The following DMXL2 variants were observed in gnomAD, a reference collection of about 807,000 sequenced individuals.
DMXL2 encodes Dmx like 2, also known as dmX-like protein 2.
Under a neutral mutation model 331.1 loss-of-function variants are expected in DMXL2, and 103 were observed. The ratio of observed to expected loss-of-function variants is 0.31; its 90% CI spans 0.27 to 0.37. DMXL2 has a LOEUF of 0.37. Among genes scored for constraint, DMXL2 ranks in the 10% least tolerant of loss-of-function variants. The pLI is 1.00. For missense variants in DMXL2, 3,171 were observed against 3,642.9 expected (o/e 0.87, Z 3.33); for synonymous variants, 1,281 against 1,252.1 (o/e 1.02, Z -0.49).
chr15:51,604,560 T>C (rs1249443266), intron 1 of DMXL2, among the ~76,000 whole-genome samples: 2 of 152,214 alleles, frequency 1.3e-5, no homozygotes, highest in East Asian at 1.9e-4. Flanking sequence ...ACAAAACATG[T>C]ATCAGATCTA....
chr15:51,613,803 A>C (rs973462710), intron 1 of DMXL2, among the ~76,000 whole-genome samples: 1 of 152,194 alleles, frequency 6.6e-6, no homozygotes, highest in African/African-American at 2.4e-5. Context: ...TTGTCCACAT[A>C]TTAGCATATT....
At chr15:51,580,922 C>G (rs2051365657) in intron 1 of DMXL2, among the ~76,000 whole-genome samples, 1 of 151,266 alleles carries the variant, frequency 6.6e-6, no homozygotes, top group Non-Finnish European at 1.5e-5. Flanking sequence ...AAGTTTTCAA[C>G]CTGAAGTCTA....
At chr15:51,615,824 G>A (rs1255896352) in intron 1 of DMXL2, among the ~76,000 whole-genome samples, 2 of 152,194 alleles carry the variant, frequency 1.3e-5, no homozygotes, top group South Asian at 4.1e-4. Context: ...CTAAGAAAAT[G>A]TATGGAATTT....
At chr15:51,605,629 C>T (rs12441969) in intron 1 of DMXL2, among the ~76,000 whole-genome samples, 33,859 of 72,124 alleles carry the variant, frequency 0.47, 13,219 homozygotes, top group East Asian at 0.84. Context: ...CTGCAAGCTC[C>T]GCTTCCCGGG....
chr15:51,559,583 T>C (rs779659480), intron 6 of DMXL2, among the ~76,000 whole-genome samples: 9 of 151,890 alleles, frequency 5.9e-5, no homozygotes, highest in African/African-American at 1.9e-4. Flanking sequence ...TAGCCAGCCA[T>C]GGTGGTGCAT....
At chr15:51,520,220 A>T (rs897086010) in intron 13 of DMXL2, among the ~76,000 whole-genome samples, 1 of 152,018 alleles carries the variant, frequency 6.6e-6, no homozygotes, top group Non-Finnish European at 1.5e-5. Context: ...TGTCTTACCC[A>T]TTCAGTAAGT....
At chr15:51,471,055 C>T (rs2041060786) in intron 29 of DMXL2, among the ~76,000 whole-genome samples, 168 bp downstream of exon 29, 1 of 152,166 alleles carries the variant, frequency 6.6e-6, no homozygotes, top group Non-Finnish European at 1.5e-5. Flanking sequence ...AACTGATCAT[C>T]CTCGAATTTA....
intron 13 of DMXL2, among the ~76,000 whole-genome samples, chr15:51,535,243 T>A (rs1053468355): frequency 6.6e-6 from 1 of 152,178 alleles, no homozygotes; most frequent in South Asian, 2.1e-4. Flanking sequence ...CACCCACTGA[T>A]AACAAATTCT....
rs772534081 is a variant in DMXL2, at chr15:51,480,569, G to T, written c.6537C>A (p.Leu2179=). 1.3e-6 allele frequency: 2 copies of T among 1,527,964 alleles called. No homozygotes were observed. The highest frequency in any genetic ancestry group is 1.3e-5 in the South Asian group (1 of 78,616). The allele number at this position is 1,527,964 out of a possible 1,614,324, so 94.7% of individuals were successfully genotyped here. ...GTTGTGATTCTTGTAGCAAAAATTTGAGTTCCATCCTTACTGAAGCCAAAC... is the reference window on the plus strand; with the variant it reads ...GTTGTGATTCTTGTAGCAAAAATTTTAGTTCCATCCTTACTGAAGCCAAAC... ...GGGLASVRME[L]KFLLQESQQE... is the part of the protein sequence containing the mutation. Residue 2179 remains leucine (L), a synonymous_variant, in exon 24 of 44, where the codon CTC becomes CTA. Transcript: ENST00000560891.
chr15:51,573,899 T>G (rs2050841562), intron 2 of DMXL2, among the ~76,000 whole-genome samples: 1 of 152,050 alleles, frequency 6.6e-6, no homozygotes, highest in South Asian at 2.1e-4. Context: ...AATTTTATTT[T>G]TAATATAAAA....
At chr15:51,550,359 T>C (rs1226790512) in intron 6 of DMXL2, among the ~76,000 whole-genome samples, 1 of 152,138 alleles carries the variant, frequency 6.6e-6, no homozygotes, top group African/African-American at 2.4e-5. Context: ...AAGAAAATGC[T>C]GCCTTTTTAA....
At chr15:51,510,848 T>C (rs528777114) in intron 15 of DMXL2, among the ~76,000 whole-genome samples, 28 of 152,156 alleles carry the variant, frequency 1.8e-4, no homozygotes, top group African/African-American at 6.3e-4. Context: ...AACAGATACA[T>C]AGAACAATGG....
chr15:51,582,678 T>C (rs2051519590), intron 1 of DMXL2, among the ~76,000 whole-genome samples: 1 of 117,450 alleles, frequency 8.5e-6, no homozygotes, highest in Non-Finnish European at 2.0e-5. Context: ...AAAGGACAAA[T>C]AGGTTTCCTT....
intron 2 of DMXL2, among the ~76,000 whole-genome samples, chr15:51,573,252 G>A (rs1595573662): frequency 6.6e-6 from 1 of 152,188 alleles, no homozygotes; most frequent in South Asian, 2.1e-4. Context: ...TGGTGGGAGT[G>A]TAAATTAGTT....
chr15:51,573,894 T>A (rs2050841163), intron 2 of DMXL2, among the ~76,000 whole-genome samples: 1 of 152,096 alleles, frequency 6.6e-6, no homozygotes, highest in African/African-American at 2.4e-5. Flanking sequence ...ATAAGAATTT[T>A]ATTTTTAATA....
chr15:51,518,069 C>T (rs1451328584), intron 13 of DMXL2, among the ~76,000 whole-genome samples: 1 of 152,148 alleles, frequency 6.6e-6, no homozygotes, highest in Non-Finnish European at 1.5e-5. Context: ...TGGTGGCTCA[C>T]ACCTGTAATT....
intron 13 of DMXL2, 87 bp downstream of exon 13, chr15:51,535,576 G>T: frequency 8.0e-7 from 1 of 1,243,332 alleles, no homozygotes; most frequent in Non-Finnish European, 1.1e-6. Flanking sequence ...TCCCTAAACA[G>T]CAACTAACAA....
In DMXL2 at chr15:51,564,215, G is replaced by A. The variant is rs1429497444; in HGVS notation, c.410C>T (p.Pro137Leu). 5 of 1,608,028 alleles carry A rather than the reference G, an allele frequency of 3.1e-6. 1 individual carries two copies. Among genetic ancestry groups the A allele is most frequent in the Non-Finnish European group, 4.2e-6 (5 of 1,177,446 alleles). ...TATDSIQLWA[P>L]PGDDILEEEE... ...CTCTTCCAGAATATCATCTCCTGGA[G>A]GAGCCCACAACTGAATAGAATCAGT... The change falls in exon 5 of 44, where the codon CCT becomes CTT. Residue 137 changes from proline (P) to leucine (L), a missense_variant. Physicochemically the swap from Pro to Leu is moderately conservative, Grantham distance 98. This residue lies in a region of DMXL2 where 1,674 missense variants were observed against 1,780.2 expected (regional missense o/e 0.94). Transcript: ENST00000560891.
At chr15:51,541,805 G>C (rs574536785) in intron 9 of DMXL2, among the ~76,000 whole-genome samples, 1 of 152,168 alleles carries the variant, frequency 6.6e-6, no homozygotes, top group Admixed American at 6.5e-5. Context: ...TGCCAACACA[G>C]AACCTGCCTC....
Sources: allele counts gnomAD v4.1 joint callset (sites outside exome capture counted in the v4.1 genomes callset), GRCh38; gene constraint gnomAD v4.1.1; regional missense constraint gnomAD v4.1.1; transcripts MANE v1.5; gene names NCBI Gene and HGNC (gene_info 2026-07-23, HGNC 2026-07-21).